CEP78: variants seen among roughly 807,000 people sequenced by gnomAD.
CEP78 encodes the protein centrosomal protein 78, also known as centrosomal protein of 78 kDa.
Under a neutral mutation model 81.2 loss-of-function variants are expected in CEP78, and 76 were observed. That is an observed-to-expected ratio of 0.94 (90% CI 0.78 to 1.13). The LOEUF is 1.13. Ranked by LOEUF, CEP78 falls within the 50% of genes most tolerant of loss-of-function variation. The probability of loss-of-function intolerance (pLI) is 0.00; values close to 1 mark genes in which losing one functional copy is unlikely to be tolerated. For missense variants in CEP78, 918 were observed against 846.8 expected (o/e 1.08, Z -1.04); for synonymous variants, 293 against 301.4 (o/e 0.97, Z 0.29).
intron 16 of CEP78, 28 bp from the exon 17 acceptor site, chr9:78,270,813 G>T: frequency 1.5e-6 from 1 of 681,818 alleles, no homozygotes; most frequent in South Asian, 1.6e-5. Context: ...TAACATGGAT[G>T]ACTGAACACA....
At chr9:78,266,994 C>T in intron 16 of CEP78, 3 of 1,373,250 alleles carry the variant, frequency 2.2e-6, no homozygotes, top group Non-Finnish European at 2.8e-6. Flanking sequence ...TTCTCTATCA[C>T]ACCTTTCATA....
At chr9:78,256,505 A>G (rs896152426) in intron 11 of CEP78, among the ~76,000 whole-genome samples, 4 of 149,780 alleles carry the variant, frequency 2.7e-5, no homozygotes, top group East Asian at 2.0e-4. Context: ...ATCAGCTCCC[A>G]GTGATCCTCT....
intron 12 of CEP78, among the ~76,000 whole-genome samples, chr9:78,263,757 T>G (rs1185847589): frequency 6.6e-6 from 1 of 152,194 alleles, no homozygotes; most frequent in East Asian, 1.9e-4. Flanking sequence ...TTAGGACTTT[T>G]AAATTTATAT....
At chr9:78,246,838 C>A in intron 6 of CEP78, 56 bp downstream of exon 6, 1 of 995,612 alleles carries the variant, frequency 1.0e-6, no homozygotes. Flanking sequence ...AAAAGAATTT[C>A]TCATGTATTG....
At position 78,240,031 on chromosome 9, in the gene CEP78, A is replaced by G. The variant is rs1480654602; in HGVS notation, c.262A>G (p.Met88Val). The G allele has an allele frequency of 8.3e-6, 13 of 1,572,858 alleles. No individual in the cohort carries two copies. Among genetic ancestry groups the G allele is most frequent in the South Asian group, 1.2e-5 (1 of 83,100 alleles). The stretch of plus-strand genomic sequence containing the variant: ...TTTTATCTTTGTTTTAGGTTCTGAC[A>G]TGAATAAATTTTGCAGAAGTCGTGT... ...QPWLGDTGSD[M>V]NKFCRSRVPA... Residue 88 changes from methionine (M) to valine (V), a missense_variant, in exon 2 of 17, where the codon ATG becomes GTG. Transcript: ENST00000643273.
At position 78,251,907 on chromosome 9, in the gene CEP78, G is replaced by A. The variant is rs773930349; in HGVS notation, c.1070-1G>A. The stretch of plus-strand genomic sequence containing the variant: ...CTTTCTTTTTAACACTTCTCAAGTA[G>A]GATTGGCTACAAAGAAACCTGTAAG... On this transcript the variant is annotated splice_acceptor_variant, in intron 8 of 16. Transcript: ENST00000643273. LOFTEE classifies it high-confidence loss of function. The A allele has an allele frequency of 1.9e-6, 3 of 1,604,652 alleles. No homozygotes were observed. Among genetic ancestry groups the A allele is most frequent in the Non-Finnish European group, 1.7e-6 (2 of 1,173,542 alleles).
At chr9:78,258,849 A>G (rs865944417) in intron 11 of CEP78, among the ~76,000 whole-genome samples, 53 of 152,380 alleles carry the variant, frequency 3.5e-4, no homozygotes, top group African/African-American at 1.0e-3. Flanking sequence ...ATAAAATTTT[A>G]TAGTGGCAGG....
At chr9:78,255,058 T>G in intron 11 of CEP78, 94 bp downstream of exon 11, 2 of 1,021,436 alleles carry the variant, frequency 2.0e-6, no homozygotes, top group South Asian at 3.3e-5. Context: ...ACAGCTTGCA[T>G]GGGAATTCTG....
intron 16 of CEP78, among the ~76,000 whole-genome samples, chr9:78,267,497 TA>T (rs1053052967): frequency 5.9e-5 from 9 of 152,360 alleles, no homozygotes; most frequent in African/African-American, 2.2e-4. Flanking sequence ...ATAGCAACCC[TA>T]TAAGATAGGG....
At position 78,266,620 on chromosome 9, in the gene CEP78, C is replaced by T. The variant is rs763394651; in HGVS notation, c.2024C>T (p.Ala675Val). The change falls in exon 16 of 17, where the codon GCG becomes GTG. Residue 675 changes from alanine to valine, a missense_variant. Ala to Val is a moderately conservative substitution (Grantham distance 64). Coordinates refer to ENST00000643273, the MANE Select transcript of CEP78 (RefSeq NM_001330691.3). ...AGAATGTGTTCTCCTTCACCAGATG[C>T]GACTTCTGGAACTGGAAGTCAAAGA... is the stretch of plus-strand genomic sequence containing the variant. Reference protein sequence around the residue: ...IARMCSPSPDATSGTGSQRKE... With the variant: ...IARMCSPSPDVTSGTGSQRKE... 1.3e-5 allele frequency: 21 copies of T among 1,612,602 alleles called. No homozygotes were observed. The Middle Eastern group carries it at 4.9e-4, about 38-fold the overall frequency.
At chr9:78,236,688 G>C (rs1825959597) in intron 1 of CEP78, 85 bp downstream of exon 1, 2 of 1,472,488 alleles carry the variant, frequency 1.4e-6, no homozygotes, top group African/African-American at 1.4e-5. Flanking sequence ...CGGGGTATGT[G>C]TGCAATAGAA....
rs1827422082 is a variant in CEP78, at chr9:78,264,455, T to G, written c.1625+139T>G. 3 of 611,784 alleles carry G rather than the reference T, an allele frequency of 4.9e-6. No individual in the cohort carries two copies. The African/African-American group carries it at 5.9e-5, about 12-fold the overall frequency. The allele number at this position is 611,784 out of a possible 1,614,324, so 37.9% of individuals were successfully genotyped here. On this transcript the variant is annotated intron_variant, in intron 13 of 16. Coordinates refer to ENST00000643273, the MANE Select transcript of CEP78 (RefSeq NM_001330691.3). ...AGTAATACACTTGATTTTTTAAATG[T>G]GGAATTAATTTTAAAAGAAATGCAA...
chr9:78,236,309 G>T lies in CEP78; in HGVS notation c.-42G>T. 2 of 1,521,366 alleles carry T rather than the reference G, an allele frequency of 1.3e-6. No individual in the cohort carries two copies. Among genetic ancestry groups the T allele is most frequent in the Non-Finnish European group, 1.8e-6 (2 of 1,135,116 alleles). 94.2% of individuals were successfully genotyped at this position (1,521,366 alleles called of 1,614,324 possible). A position where few individuals can be genotyped will look rare whatever the true frequency, so the allele number is the denominator to read the frequency against. On this transcript the variant is annotated 5_prime_UTR_variant, in exon 1 of 17. Transcript: ENST00000643273. ...TCAGCGTTCTTGGGTGGGCGCGGGC[G>T]GCGTCTCCGCGGCGGGCATCCCCCG... is the stretch of plus-strand genomic sequence containing the variant.
At chr9:78,243,693 C>A in intron 5 of CEP78, 57 bp downstream of exon 5, 3 of 1,419,938 alleles carry the variant, frequency 2.1e-6, no homozygotes, top group Non-Finnish European at 2.9e-6. Flanking sequence ...ATTAAATATG[C>A]TTAACTCTTG....
At chr9:78,269,064 T>C (rs7023020) in intron 16 of CEP78, among the ~76,000 whole-genome samples, 3,288 of 152,322 alleles carry the variant, frequency 0.022, 123 homozygotes, top group African/African-American at 0.074. Flanking sequence ...TACTTGTTTA[T>C]AGAATCCTTT....
intron 5 of CEP78, among the ~76,000 whole-genome samples, chr9:78,246,261 G>A (rs1324204933): frequency 6.6e-6 from 1 of 151,612 alleles, no homozygotes; most frequent in East Asian, 1.9e-4. Context: ...TCTTGGGCAG[G>A]AGTCTTCCAG....
rs1290999161 is a variant in CEP78, at chr9:78,254,887, G to A, written c.1303G>A (p.Val435Ile). 5 of 1,609,612 alleles carry A rather than the reference G, an allele frequency of 3.1e-6. No homozygotes were observed. Among genetic ancestry groups the A allele is most frequent in the Non-Finnish European group, 4.3e-6 (5 of 1,176,388 alleles). ...AGTAGAGAGTCCTTCATCCTCTGAA[G>A]TTGAAGAGGTTGATGATTCTTCAGA... The part of the protein sequence containing the change: ...VTVESPSSSE[V>I]EEVDDSSESV... Residue 435 changes from valine to isoleucine, a missense_variant, in exon 11 of 17, where the codon GTT becomes ATT. By Grantham distance (29) the Val-to-Ile change is conservative. Transcript: ENST00000643273.
At chr9:78,269,000 A>T (rs1224215701) in intron 16 of CEP78, among the ~76,000 whole-genome samples, 1 of 152,136 alleles carries the variant, frequency 6.6e-6, no homozygotes, top group African/African-American at 2.4e-5. Flanking sequence ...CTAGAGGCTA[A>T]TGTTCATTCT....
rs3215908 is a variant in CEP78, at chr9:78,254,592, GA to G, written c.1252-234del. On this transcript the variant is annotated intron_variant, in intron 10 of 16. Transcript: ENST00000643273. ...TTTCGGAAAGATTTTATGTAAAAAA[GA>G]AAAAAAAAATATGGGCGATTCCAGT... 566 of 168,550 alleles carry G rather than the reference GA, an allele frequency of 3.4e-3. 2 individuals carry two copies. Among genetic ancestry groups the G allele is most frequent in the East Asian group, 0.018 (121 of 6,784 alleles). The allele number at this position is 168,550 out of a possible 1,614,324, so 10.4% of individuals were successfully genotyped here. A position where few individuals can be genotyped will look rare whatever the true frequency, so the allele number is the denominator to read the frequency against.
Sources: allele counts gnomAD v4.1 joint callset (sites outside exome capture counted in the v4.1 genomes callset), GRCh38; gene constraint gnomAD v4.1.1; transcripts MANE v1.5; gene names NCBI Gene and HGNC (gene_info 2026-07-23, HGNC 2026-07-21).